FAM131A: variants seen among roughly 807,000 people sequenced by gnomAD.
FAM131A encodes protein FAM131A.
Under a neutral mutation model 39.2 loss-of-function variants are expected in FAM131A, and 24 were observed. That is an observed-to-expected ratio of 0.61 (90% CI 0.44 to 0.86). The LOEUF is 0.86. FAM131A is among the 40% of genes least tolerant of loss of function. FAM131A has a pLI of 0.00. For missense variants in FAM131A, 373 were observed against 481.2 expected, an observed-to-expected ratio of 0.78 and a Z score of 2.10; for synonymous variants, 202 against 206.8, an observed-to-expected ratio of 0.98 and a Z score of 0.20.
At chr3:184,343,156 C>T (rs532436828) in intron 5 of FAM131A, 6 of 247,586 alleles carry the variant, frequency 2.4e-5, no homozygotes, top group African/African-American at 1.1e-4. Flanking sequence ...CGAAAGACCT[C>T]AAGGACACCT....
At position 184,346,156 on chromosome 3, in the gene FAM131A, G is replaced by T. The variant is rs1415561879; in HGVS notation, c.*1186G>T. On this transcript the variant is annotated 3_prime_UTR_variant, in exon 6 of 6. Transcript: ENST00000383847. The surrounding 1 kb of genome is among the most constrained non-coding windows in gnomAD (Gnocchi z 6.0). Reference sequence around the variant, plus strand: ...GCTTTGGCAGGTAAGAGGGCCCAAGGTAAGAACGAGAGCCAACGGGCACAA... The same window carrying T: ...GCTTTGGCAGGTAAGAGGGCCCAAGTTAAGAACGAGAGCCAACGGGCACAA... 5 of 192,420 alleles carry T rather than the reference G, an allele frequency of 2.6e-5. No individual in the cohort carries two copies. The highest frequency in any genetic ancestry group is 5.5e-5 in the Non-Finnish European group (5 of 91,464). 11.9% of individuals were successfully genotyped at this position (192,420 alleles called of 1,614,324 possible).
At position 184,345,321 on chromosome 3, in the gene FAM131A, T is replaced by A. The variant is rs538854102; in HGVS notation, c.*351T>A. The A allele has an allele frequency of 1.2e-4, 61 of 500,804 alleles. No homozygotes were observed. The highest frequency in any genetic ancestry group is 2.0e-4 in the Non-Finnish European group (58 of 287,748). 31.0% of individuals were successfully genotyped at this position (500,804 alleles called of 1,614,324 possible). A position where few individuals can be genotyped will look rare whatever the true frequency, so the allele number is the denominator to read the frequency against. On this transcript the variant is annotated 3_prime_UTR_variant, in exon 6 of 6. Transcript: ENST00000383847. Reference sequence around the variant, plus strand: ...CTAAGGGGGTTGTGACTGGGCTGTGTGAGGGTGGGGTGGGAGGGGGCCCAG... The same window carrying A: ...CTAAGGGGGTTGTGACTGGGCTGTGAGAGGGTGGGGTGGGAGGGGGCCCAG...
intron 1 of FAM131A, among the ~76,000 whole-genome samples, chr3:184,338,100 G>A (rs1056815625): frequency 3.3e-5 from 5 of 152,110 alleles, no homozygotes; most frequent in Admixed American, 2.6e-4. Flanking sequence ...CTGGGAAACG[G>A]GAAGGAGAGT....
chr3:184,337,113 C>T (rs1240319064), upstream of FAM131A: 1 of 153,918 alleles, frequency 6.5e-6, no homozygotes, highest in African/African-American at 2.4e-5. Context: ...AAGTTAACCT[C>T]GTGGCTTTTG....
chr3:184,338,473 C>G lies in FAM131A; in HGVS notation c.175C>G (p.Arg59Gly), dbSNP rs1322344993. 6.5e-7 allele frequency: 1 copy of G among 1,535,374 alleles called. No homozygotes were observed. The highest frequency in any genetic ancestry group is 1.4e-5 in the African/African-American group (1 of 72,948). The part of the protein sequence containing the change: ...LSSLGSARTL[R>G]GWSRSSRPSS... ...CTCTTTGGGATCTGCTCGAACCCTC[C>G]GAGGCTGGAGCAGGTCCTCCCGCCC... The change falls in exon 2 of 6, where the codon CGA becomes GGA. Residue 59 changes from arginine (R) to glycine (G), a missense_variant. Arg to Gly is a moderately radical substitution (Grantham distance 125, BLOSUM62 -2). Around this residue, in one of 2 missense-constraint regions of FAM131A, gnomAD observed 221 missense variants for 347.7 expected, o/e 0.64. Coordinates refer to ENST00000383847, the MANE Select transcript of FAM131A (RefSeq NM_144635.5).
At position 184,342,628 on chromosome 3, in the gene FAM131A, G is replaced by C. The variant is rs529531031; in HGVS notation, c.509-116G>C. On this transcript the variant is annotated intron_variant, in intron 4 of 5. Transcript: ENST00000383847. The surrounding 1 kb of genome is among the most constrained non-coding windows in gnomAD (Gnocchi z 4.6). ...GCCAGGGCTGCTTTCTTATCTCCTC[G>C]GGTCTGACATGGGGGTTGGAGTCTT... is the stretch of plus-strand genomic sequence containing the variant. The C allele has an allele frequency of 2.2e-6, 2 of 891,222 alleles. No individual in the cohort carries two copies. Among genetic ancestry groups the C allele is most frequent in the Non-Finnish European group, 3.4e-6 (2 of 580,420 alleles). 55.2% of individuals were successfully genotyped at this position (891,222 alleles called of 1,614,324 possible).
chr3:184,343,570 C>T (rs1263095106), intron 5 of FAM131A, among the ~76,000 whole-genome samples: 1 of 152,254 alleles, frequency 6.6e-6, no homozygotes, highest in East Asian at 1.9e-4. Context: ...CCATCCCATA[C>T]CCCTCCAGTG....
In FAM131A at chr3:184,344,551, C is replaced by A; in HGVS notation, c.682C>A (p.Arg228=). 6.3e-7 allele frequency: 1 copy of A among 1,589,702 alleles called. No individual in the cohort carries two copies. Among genetic ancestry groups the A allele is most frequent in the Non-Finnish European group, 8.6e-7 (1 of 1,167,278 alleles). The change falls in exon 6 of 6, where the codon CGG becomes AGG. Residue 228 remains arginine (R), a synonymous_variant. Coordinates refer to ENST00000383847, the MANE Select transcript of FAM131A (RefSeq NM_144635.5). ...CCTCCAGGACCTGTTCACCGGCCAC[C>A]GGTTCTCCCGGCCTGTGCGCCAGGG... ...PHLQDLFTGH[R]FSRPVRQGSV... is the part of the protein sequence containing the mutation.
chr3:184,341,638 C>T (rs905286563), intron 2 of FAM131A, 86 bp from the exon 3 acceptor site: 24 of 1,099,144 alleles, frequency 2.2e-5, no homozygotes, highest in African/African-American at 6.2e-5. Flanking sequence ...CCTGTCTCCT[C>T]CTCATGCCTT....
chr3:184,338,926 C>A, intron 2 of FAM131A: 1 of 188,044 alleles, frequency 5.3e-6, no homozygotes, highest in South Asian at 8.6e-5. Context: ...AGGTGCTCCC[C>A]CGCCTAGGCC....
At chr3:184,340,847 G>C (rs1727339469) in intron 2 of FAM131A, 1 of 152,264 alleles carries the variant, frequency 6.6e-6, no homozygotes, top group South Asian at 2.1e-4. Flanking sequence ...ACAGAGGGAG[G>C]ACAGACTACC....
intron 2 of FAM131A, chr3:184,341,479 G>A (rs1267157751): frequency 3.5e-6 from 2 of 569,136 alleles, no homozygotes; most frequent in African/African-American, 3.8e-5. Context: ...TGGGTGCTGG[G>A]AAAGTGGAGG....
intron 1 of FAM131A, among the ~76,000 whole-genome samples, chr3:184,337,962 C>T (rs923155438): frequency 2.6e-5 from 4 of 152,004 alleles, no homozygotes; most frequent in African/African-American, 4.8e-5. Flanking sequence ...CTGAGGCTGG[C>T]GAGAGGAAAG....
upstream of FAM131A, among the ~76,000 whole-genome samples, chr3:184,336,930 G>A (rs1343400994): frequency 6.6e-6 from 1 of 152,214 alleles, no homozygotes; most frequent in East Asian, 1.9e-4. The surrounding 1 kb of genome is among the most constrained non-coding windows in gnomAD (Gnocchi z 5.5). Context: ...CTCCGGTGTG[G>A]TGGATTTCTC....
At chr3:184,344,342 T>C in intron 5 of FAM131A, among the ~76,000 whole-genome samples, 153 bp from the exon 6 acceptor site, 1 of 152,224 alleles carries the variant, frequency 6.6e-6, no homozygotes, top group Middle Eastern at 3.2e-3. Context: ...TTAAGGACAC[T>C]GAGGTCTCAA....
In FAM131A at chr3:184,342,599, C is replaced by T. The variant is rs1727434366; in HGVS notation, c.509-145C>T. The stretch of plus-strand genomic sequence containing the variant: ...GGGATTACAGGCATAAGCCACCACA[C>T]CCGGCCAGGGCTGCTTTCTTATCTC... On this transcript the variant is annotated intron_variant, in intron 4 of 5. Coordinates refer to ENST00000383847, the MANE Select transcript of FAM131A (RefSeq NM_144635.5). The surrounding 1 kb of genome is among the most constrained non-coding windows in gnomAD (Gnocchi z 4.6). 1.4e-6 allele frequency: 1 copy of T among 735,824 alleles called. No individual in the cohort carries two copies. The allele number at this position is 735,824 out of a possible 1,614,324, so 45.6% of individuals were successfully genotyped here. A position where few individuals can be genotyped will look rare whatever the true frequency, so the allele number is the denominator to read the frequency against.
chr3:184,343,468 G>A (rs1727474807), intron 5 of FAM131A, among the ~76,000 whole-genome samples: 1 of 152,176 alleles, frequency 6.6e-6, no homozygotes, highest in East Asian at 1.9e-4. Context: ...TCATTCCCTA[G>A]ACCACATGGC....
At chr3:184,336,477 CCA>C (rs1190454776), upstream of FAM131A, among the ~76,000 whole-genome samples, 1 of 152,024 alleles carries the variant, frequency 6.6e-6, no homozygotes, top group Admixed American at 6.5e-5. The surrounding 1 kb of genome is among the most constrained non-coding windows in gnomAD (Gnocchi z 5.5). Context: ...CCTTGCGCGC[CCA>C]CACACACACT....
chr3:184,341,665 G>C (rs937821012), intron 2 of FAM131A, 59 bp from the exon 3 acceptor site: 5 of 1,469,070 alleles, frequency 3.4e-6, no homozygotes, highest in Middle Eastern at 1.7e-4. Flanking sequence ...GTATGGGCAT[G>C]TTAGGGGGAA....
Sources: gnomAD v4.1 joint callset for allele counts (sites outside exome capture counted in the v4.1 genomes callset) on GRCh38, gnomAD v4.1.1 for gene constraint, gnomAD v4.1.1 regional missense constraint, Gnocchi (gnomAD v3.1) non-coding constraint, MANE v1.5 for transcripts, NCBI Gene and HGNC (gene_info 2026-07-23, HGNC 2026-07-21) for gene names.